DHRS7C: variants seen among roughly 807,000 people sequenced by gnomAD.
DHRS7C encodes dehydrogenase/reductase SDR family member 7C.
DHRS7C carries 28 observed loss-of-function variants against 29.6 expected under a neutral mutation model. That is an observed-to-expected ratio of 0.95 (90% confidence interval 0.70 to 1.30). DHRS7C has a LOEUF of 1.30. DHRS7C is among the 50% of genes most tolerant of loss of function. DHRS7C has a pLI of 0.00. For missense variants in DHRS7C, 403 were observed against 393.3 expected (o/e 1.02, Z -0.21); for synonymous variants, 158 against 160.2 (o/e 0.99, Z 0.10).
At chr17:9,781,227 T>C (rs2066391190) in intron 2 of DHRS7C, among the ~76,000 whole-genome samples, 1 of 152,186 alleles carries the variant, frequency 6.6e-6, no homozygotes, top group Admixed American at 6.5e-5. Context: ...TGGATCCTTG[T>C]TGAGTTTGAG....
At position 9,780,041 on chromosome 17, in the gene DHRS7C, G is replaced by C. The variant is rs2066384923; in HGVS notation, c.268-6C>G. 6.2e-7 allele frequency: 1 copy of C among 1,612,378 alleles called. No homozygotes were observed. Among genetic ancestry groups the C allele is most frequent in the Admixed American group, 1.7e-5 (1 of 59,840 alleles). ...ACCAGCTTTGGGGTGAATGTCTGCTGAACCAATGAGAGAGTCAGGGTATGT... is the reference window on the plus strand; with the variant it reads ...ACCAGCTTTGGGGTGAATGTCTGCTCAACCAATGAGAGAGTCAGGGTATGT... On this transcript the variant is annotated splice_region_variant and splice_polypyrimidine_tract_variant and intron_variant, in intron 2 of 5. Transcript: ENST00000571134.
intron 4 of DHRS7C, 73 bp downstream of exon 4, chr17:9,777,120 A>T: frequency 7.6e-7 from 1 of 1,322,000 alleles, no homozygotes; most frequent in Non-Finnish European, 1.1e-6. Context: ...GCCTAGTCTT[A>T]GACATAACAG....
In DHRS7C at chr17:9,779,939, T is replaced by A. The variant is rs2066384269; in HGVS notation, c.364A>T (p.Ile122Phe). 1 of 1,613,844 alleles carries A rather than the reference T, an allele frequency of 6.2e-7. No homozygotes were observed. Among genetic ancestry groups the A allele is most frequent in the African/African-American group, 1.3e-5 (1 of 74,918 alleles). ...TTCACACTGGCATTGTTGATGAGGA[T>A]GTCCACACAGCCATAGCAATCCAGG... ...EVLDCYGCVD[I>F]LINNASVKVK... Residue 122 changes from isoleucine to phenylalanine, a missense_variant, in exon 3 of 6, where the codon ATC becomes TTC. By Grantham distance (21) the Ile-to-Phe change is conservative. Transcript: ENST00000571134.
intron 5 of DHRS7C, among the ~76,000 whole-genome samples, 187 bp downstream of exon 5, chr17:9,772,580 T>G (rs1019849729): frequency 6.6e-6 from 1 of 152,150 alleles, no homozygotes; most frequent in African/African-American, 2.4e-5. Context: ...GAGGATTCTG[T>G]CTACCGGGTG....
rs1362417396 is a variant in DHRS7C, at chr17:9,781,506, C to A, written c.243G>T (p.Leu81Phe). ...WERLENLYDALISVADPSKTF... is the reference protein window; with the variant it reads ...WERLENLYDAFISVADPSKTF... ...CCTTGCTGGGGTCAGCCACGCTGAT[C>A]AAGGCATCATATAGGTTCTCTAGCC... Residue 81 changes from leucine (L) to phenylalanine (F), a missense_variant, in exon 2 of 6, where the codon TTG becomes TTT. By Grantham distance (22) the Leu-to-Phe change is conservative. Transcript: ENST00000571134. 2 of 1,613,886 alleles carry A rather than the reference C, an allele frequency of 1.2e-6. No individual in the cohort carries two copies. The highest frequency in any genetic ancestry group is 4.5e-5 in the East Asian group (2 of 44,888).
At chr17:9,779,621 A>C (rs1223126352) in intron 3 of DHRS7C, among the ~76,000 whole-genome samples, 1 of 152,218 alleles carries the variant, frequency 6.6e-6, no homozygotes, top group East Asian at 1.9e-4. Flanking sequence ...TGGTTGAAAT[A>C]TACCAATCAG....
chr17:9,774,014 C>T lies in DHRS7C; in HGVS notation c.572-1092G>A, dbSNP rs985987854. On this transcript the variant is annotated intron_variant, in intron 4 of 5. Coordinates refer to ENST00000571134, the MANE Select transcript of DHRS7C (RefSeq NM_001105571.3). The surrounding 1 kb of genome is among the most constrained non-coding windows in gnomAD (Gnocchi z 5.0). ...CTGGGATTACAGGCGTGAGCCACCA[C>T]GCCCAGCAAAACCATGCACTTTAAA... is the stretch of plus-strand genomic sequence containing the variant. Among the ~76,000 whole-genome samples the T allele has an allele frequency of 5.9e-5, 9 of 152,038 alleles. No homozygotes were observed. Among genetic ancestry groups the T allele is most frequent in the Admixed American group, 1.3e-4 (2 of 15,274 alleles).
chr17:9,790,247 G>A (rs1183461512), intron 1 of DHRS7C, among the ~76,000 whole-genome samples: 1 of 152,142 alleles, frequency 6.6e-6, no homozygotes, highest in Non-Finnish European at 1.5e-5. Flanking sequence ...ACTAATGAAT[G>A]TTTGGCTGTG....
At chr17:9,783,811 CA>C (rs1390331209) in intron 1 of DHRS7C, among the ~76,000 whole-genome samples, 1 of 151,956 alleles carries the variant, frequency 6.6e-6, no homozygotes, top group East Asian at 1.9e-4. Context: ...ACTAAAAATT[CA>C]AAAATTTAAT....
intron 1 of DHRS7C, among the ~76,000 whole-genome samples, chr17:9,786,388 C>T (rs1377315146): frequency 1.4e-5 from 2 of 145,164 alleles, no homozygotes; most frequent in South Asian, 2.2e-4. Flanking sequence ...AGTCAGGAAC[C>T]GCCTGATTTT....
At chr17:9,790,190 G>A (rs2066447095) in intron 1 of DHRS7C, among the ~76,000 whole-genome samples, 1 of 152,216 alleles carries the variant, frequency 6.6e-6, no homozygotes, top group South Asian at 2.1e-4. Context: ...AGGGACTCTC[G>A]GGGCAATGCT....
intron 1 of DHRS7C, among the ~76,000 whole-genome samples, chr17:9,786,331 TAA>T (rs1567703728): frequency 8.8e-6 from 1 of 113,056 alleles, no homozygotes; most frequent in African/African-American, 4.9e-5. Flanking sequence ...CCGTCTCAAA[TAA>T]TAATAATAAT....
rs147255012 is a variant in DHRS7C, at chr17:9,785,929, G to C, written c.155-4335C>G. ...AGGGGGAAGAAAGTTCGAATTCAAT[G>C]AAAATGGACATGTTATCAGGTATTA... On this transcript the variant is annotated intron_variant, in intron 1 of 5. Coordinates refer to ENST00000571134, the MANE Select transcript of DHRS7C (RefSeq NM_001105571.3). 2.6e-5 allele frequency among the ~76,000 whole-genome samples: 4 copies of C among 152,256 alleles called. No individual in the cohort carries two copies. In the East Asian group the frequency reaches 7.7e-4, roughly 29 times the overall value.
At chr17:9,777,149 A>C (rs746950232) in intron 4 of DHRS7C, 44 bp downstream of exon 4, 5 of 1,540,772 alleles carry the variant, frequency 3.2e-6, no homozygotes, top group Non-Finnish European at 3.6e-6. Context: ...TTATACCATA[A>C]GACATACAAC....
At position 9,771,549 on chromosome 17, in the gene DHRS7C, A is replaced by G. The variant is rs979583696; in HGVS notation, c.875T>C (p.Phe292Ser). 1 of 1,590,974 alleles carries G rather than the reference A, an allele frequency of 6.3e-7. No individual in the cohort carries two copies. The highest frequency in any genetic ancestry group is 1.3e-5 in the African/African-American group (1 of 74,122). ...CCCACAGGCCACCACGGCGAAAAAG[A>G]ACTCCGGGAAGAAGGTGCGGACGTA... ...AVYVRTFFPE[F>S]FFAVVACGVK... The change falls in exon 6 of 6, where the codon TTC (phenylalanine) becomes TCC (serine). Residue 292 changes from phenylalanine (F) to serine (S), a missense_variant. By Grantham distance (155) the Phe-to-Ser change is radical (BLOSUM62 -2). Coordinates refer to ENST00000571134, the MANE Select transcript of DHRS7C (RefSeq NM_001105571.3).
intron 3 of DHRS7C, among the ~76,000 whole-genome samples, chr17:9,778,797 A>G (rs2066377129): frequency 6.6e-6 from 1 of 152,232 alleles, no homozygotes; most frequent in Non-Finnish European, 1.5e-5. Flanking sequence ...TTGCAAGATC[A>G]GGCTAGATCT....
chr17:9,771,719 G>T (rs1232723899), intron 5 of DHRS7C, 23 bp from the exon 6 acceptor site: 1 of 1,425,152 alleles, frequency 7.0e-7, no homozygotes, highest in East Asian at 2.7e-5. Context: ...AGTTGGGGGC[G>T]GGGGTTATGA....
chr17:9,791,086 C>G (rs781075090), intron 1 of DHRS7C, 45 bp downstream of exon 1: 21 of 1,574,700 alleles, frequency 1.3e-5, no homozygotes, highest in African/African-American at 1.1e-4. Context: ...TCCTGCCAGT[C>G]CCTGGGGGCA....
At chr17:9,783,164 G>A (rs2066402692) in intron 1 of DHRS7C, among the ~76,000 whole-genome samples, 1 of 152,152 alleles carries the variant, frequency 6.6e-6, no homozygotes, top group African/African-American at 2.4e-5. Context: ...AGGTGTACTG[G>A]GCATCCTGAG....
Sources: allele counts gnomAD v4.1 joint callset (sites outside exome capture counted in the v4.1 genomes callset), GRCh38; gene constraint gnomAD v4.1.1; non-coding constraint Gnocchi (gnomAD v3.1); transcripts MANE v1.5; gene names NCBI Gene and HGNC (gene_info 2026-07-23, HGNC 2026-07-21).